KMT2E: variants seen among roughly 807,000 people sequenced by gnomAD.
The protein encoded by KMT2E is lysine methyltransferase 2E (inactive), also known as histone reader KMT2E.
Under a neutral mutation model 184.6 loss-of-function variants are expected in KMT2E, and 30 were observed. The observed-to-expected ratio is 0.16, with a 90% CI of 0.12 to 0.22. The LOEUF is 0.22. Among genes scored for constraint, KMT2E ranks in the 10% least tolerant of loss-of-function variants. The pLI, the probability that KMT2E is intolerant of heterozygous loss-of-function variation, is 1.00. For synonymous variants in KMT2E, 815 were observed against 776.5 expected (o/e 1.05, Z -0.82); for missense variants, 2,023 against 2,237.4 (o/e 0.90, Z 1.93).
intron 12 of KMT2E, 50 bp from the exon 13 acceptor site, chr7:105,081,638 C>T (rs931832198): frequency 2.8e-5 from 25 of 906,240 alleles, no homozygotes; most frequent in Non-Finnish European, 3.9e-5. Flanking sequence ...GCTGATGCTT[C>T]TGAAGGCAGA....
At chr7:105,018,618 A>C (rs930655426) in intron 1 of KMT2E, among the ~76,000 whole-genome samples, 25 of 152,040 alleles carry the variant, frequency 1.6e-4, no homozygotes, top group African/African-American at 4.3e-4. Flanking sequence ...AAATATAATT[A>C]TTTTATGGTA....
intron 13 of KMT2E, among the ~76,000 whole-genome samples, chr7:105,086,063 T>C (rs147463426): frequency 1.3e-5 from 2 of 152,346 alleles, no homozygotes; most frequent in Non-Finnish European, 2.9e-5. Flanking sequence ...TTTATGTAAA[T>C]TGTGACTTGC....
intron 15 of KMT2E, among the ~76,000 whole-genome samples, chr7:105,095,813 C>T (rs1247846860): frequency 6.6e-6 from 1 of 152,068 alleles, no homozygotes; most frequent in Non-Finnish European, 1.5e-5. Flanking sequence ...TGAGTGTCCT[C>T]CTAGTATATT....
intron 14 of KMT2E, 67 bp from the exon 15 acceptor site, chr7:105,091,149 A>G: frequency 1.4e-6 from 1 of 700,168 alleles, no homozygotes; most frequent in Middle Eastern, 3.5e-4. Context: ...ACATTAAAAT[A>G]GTTTAATGTC....
At chr7:105,033,289 C>T (rs1057493302) in intron 1 of KMT2E, among the ~76,000 whole-genome samples, 3 of 152,080 alleles carry the variant, frequency 2.0e-5, no homozygotes, top group Admixed American at 1.3e-4. Context: ...GAGTTTGAAG[C>T]CCACAATTTT....
chr7:105,048,623 T>C (rs1196859535), intron 3 of KMT2E, among the ~76,000 whole-genome samples: 1 of 152,236 alleles, frequency 6.6e-6, no homozygotes, highest in East Asian at 1.9e-4. Flanking sequence ...CTAATTATTT[T>C]GGAATTTAGA....
At position 105,111,721 on chromosome 7, in the gene KMT2E, C is replaced by G. The variant is rs112246163; in HGVS notation, c.4069-104C>G. 9.2e-6 allele frequency: 12 copies of G among 1,302,046 alleles called. No individual in the cohort carries two copies. In the African/African-American group the frequency reaches 1.4e-4, roughly 15 times the overall value. 80.7% of individuals were successfully genotyped at this position (1,302,046 alleles called of 1,614,324 possible). On this transcript the variant is annotated intron_variant, in intron 26 of 26. Coordinates refer to ENST00000311117, the MANE Select transcript of KMT2E (RefSeq NM_182931.3). ...CGTATCCAGGATGTTATTTCCTGCC[C>G]CCCATTAAAATTAATATTTAGGTAG...
chr7:105,099,299 A>T (rs2129569364), intron 15 of KMT2E, among the ~76,000 whole-genome samples: 1 of 152,294 alleles, frequency 6.6e-6, no homozygotes, highest in South Asian at 2.1e-4. Context: ...TAATACAGAA[A>T]CCAGGAAACC....
chr7:105,025,164 T>C (rs763482926), intron 1 of KMT2E, among the ~76,000 whole-genome samples: 4 of 152,138 alleles, frequency 2.6e-5, no homozygotes, highest in Admixed American at 2.6e-4. Flanking sequence ...CTTTAGAAGC[T>C]GTATTGTATA....
rs765810616 is a variant in KMT2E at position 105,111,806 on chromosome 7, A to G, written c.4069-19A>G. 2 of 1,587,876 alleles carry G rather than the reference A, an allele frequency of 1.3e-6. No individual in the cohort carries two copies. Among genetic ancestry groups the G allele is most frequent in the East Asian group, 2.2e-5 (1 of 44,676 alleles). ...ACAAAATGTTCCTTGAATGTATATAATTTGTTTTCTCTTCATAGCCTGGTT... is the reference window on the plus strand; with the variant it reads ...ACAAAATGTTCCTTGAATGTATATAGTTTGTTTTCTCTTCATAGCCTGGTT... On this transcript the variant is annotated intron_variant, in intron 26 of 26. Coordinates refer to ENST00000311117, the MANE Select transcript of KMT2E (RefSeq NM_182931.3).
intron 3 of KMT2E, among the ~76,000 whole-genome samples, chr7:105,057,992 C>G (rs1796642431): frequency 6.6e-6 from 1 of 152,144 alleles, no homozygotes; most frequent in Non-Finnish European, 1.5e-5. Context: ...CTTGAAATGT[C>G]TCTTGAATCT....
chr7:105,029,618 A>G (rs1740790293), intron 1 of KMT2E, among the ~76,000 whole-genome samples: 2 of 152,178 alleles, frequency 1.3e-5, no homozygotes, highest in Non-Finnish European at 2.9e-5. Flanking sequence ...AGGAGGCACA[A>G]AAGATTGGGT....
intron 1 of KMT2E, among the ~76,000 whole-genome samples, chr7:105,024,903 C>G (rs1457656471): frequency 2.0e-5 from 3 of 151,982 alleles, no homozygotes; most frequent in African/African-American, 7.3e-5. Flanking sequence ...TATTCCAGTT[C>G]AAGATGATTC....
At chr7:105,020,115 A>T (rs1457400948) in intron 1 of KMT2E, among the ~76,000 whole-genome samples, 1 of 151,430 alleles carries the variant, frequency 6.6e-6, no homozygotes, top group African/African-American at 2.4e-5. Context: ...CTCAAAAAAA[A>T]AAAAAAAGTA....
At chr7:105,041,634 C>T (rs375048830) in intron 3 of KMT2E, among the ~76,000 whole-genome samples, 1 of 152,270 alleles carries the variant, frequency 6.6e-6, no homozygotes, top group East Asian at 1.9e-4. Context: ...CTCCTGACCT[C>T]GTGATCCACT....
intron 15 of KMT2E, among the ~76,000 whole-genome samples, chr7:105,092,351 G>C (rs952266662): frequency 4.6e-5 from 7 of 152,124 alleles, no homozygotes; most frequent in Admixed American, 3.3e-4. Context: ...GCAGTGAGCT[G>C]AGATCATGCC....
chr7:105,078,658 T>TA, intron 11 of KMT2E, among the ~76,000 whole-genome samples, 188 bp from the exon 12 acceptor site: 1 of 2,894 alleles, frequency 3.5e-4, no homozygotes, highest in Non-Finnish European at 6.9e-4. Flanking sequence ...ATGCCTGGCC[T>TA]TTTTTTTTTT....
At chr7:105,054,431 T>C (rs1409779027) in intron 3 of KMT2E, among the ~76,000 whole-genome samples, 1 of 152,018 alleles carries the variant, frequency 6.6e-6, no homozygotes, top group Non-Finnish European at 1.5e-5. Context: ...AATTATTTGT[T>C]GTAAAAGCAA....
intron 3 of KMT2E, among the ~76,000 whole-genome samples, chr7:105,059,978 GT>G (rs67291226): frequency 3.3e-4 from 17 of 51,788 alleles, no homozygotes; most frequent in South Asian, 1.1e-3. Flanking sequence ...TCTTGTTGTT[GT>G]TTTTTTTTTT....
Sources: gnomAD v4.1 joint callset for allele counts (sites outside exome capture counted in the v4.1 genomes callset) on GRCh38, gnomAD v4.1.1 for gene constraint, MANE v1.5 for transcripts, NCBI Gene and HGNC (gene_info 2026-07-23, HGNC 2026-07-21) for gene names.